AMPD1: variants seen among roughly 807,000 people sequenced by gnomAD.
AMPD1 encodes AMP deaminase 1.
Under a neutral mutation model 82.9 loss-of-function variants are expected in AMPD1, and 74 were observed. That is an observed-to-expected ratio of 0.89 (90% CI 0.74 to 1.08). The LOEUF (loss-of-function observed/expected upper bound fraction) is 1.08, where lower values mean the gene tolerates loss of function less well. Among genes scored for constraint, AMPD1 ranks in the 50% least tolerant of loss-of-function variants. The pLI, the probability that AMPD1 is intolerant of heterozygous loss-of-function variation, is 0.00. For missense variants in AMPD1, 881 were observed against 924.5 expected (o/e 0.95, Z 0.61); for synonymous variants, 333 against 320.5 (o/e 1.04, Z -0.42).
chr1:114,677,430 T>C lies in AMPD1; in HGVS notation c.1309A>G (p.Ser437Gly), dbSNP rs1658020799. 6.2e-7 allele frequency: 1 copy of C among 1,612,252 alleles called. No homozygotes were observed. Among genetic ancestry groups the C allele is most frequent in the Non-Finnish European group, 8.5e-7 (1 of 1,179,676 alleles). ...CAGACGAACCAGGAGGAGAGTTTGCTCCACTCATCAGGACTGCGGCCATAG... is the reference window on the plus strand; with the variant it reads ...CAGACGAACCAGGAGGAGAGTTTGCCCCACTCATCAGGACTGCGGCCATAG... The part of the protein sequence containing the change: ...SIYGRSPDEW[S>G]KLSSWFVCNR... Residue 437 changes from serine (S) to glycine (G), a missense_variant, in exon 10 of 16, where the codon AGC (serine) becomes GGC (glycine). Around this residue, in one of 2 missense-constraint regions of AMPD1, gnomAD observed 783 missense variants for 786.4 expected, o/e 1.00. Transcript: ENST00000520113.
At position 114,695,528 on chromosome 1, in the gene AMPD1, T is replaced by TGTG; in HGVS notation, c.-60_-58dup. 6.2e-7 allele frequency: 1 copy of TGTG among 1,614,150 alleles called. No individual in the cohort carries two copies. Among genetic ancestry groups the TGTG allele is most frequent in the Non-Finnish European group, 8.5e-7 (1 of 1,180,020 alleles). Reference sequence around the variant, plus strand: ...CAGTAGAAAAGAAGAGAGAGGAGACTGTGGGGTGACTGACTGACACTATAA... The same window carrying TGTG: ...CAGTAGAAAAGAAGAGAGAGGAGACTGTGGTGGGGTGACTGACTGACACTATAA... On this transcript the variant is annotated 5_prime_UTR_variant, in exon 1 of 16. Transcript: ENST00000520113.
chr1:114,694,138 C>T (rs910323383), intron 1 of AMPD1, among the ~76,000 whole-genome samples: 1 of 151,988 alleles, frequency 6.6e-6, no homozygotes, highest in Non-Finnish European at 1.5e-5. Context: ...ATGGCATGAA[C>T]CCGGGAGGTG....
chr1:114,693,362 C>T (rs1290733812), intron 2 of AMPD1, 74 bp downstream of exon 2: 1 of 1,439,404 alleles, frequency 6.9e-7, no homozygotes, highest in African/African-American at 1.4e-5. Flanking sequence ...AGCCATGTTT[C>T]TGAATTAAGG....
In AMPD1 at chr1:114,694,218, A is replaced by AAAAAAC. The variant is rs566751722; in HGVS notation, c.23-777_23-772dup. 7.9e-5 allele frequency among the ~76,000 whole-genome samples: 12 copies of AAAAAAC among 152,152 alleles called. No homozygotes were observed. The South Asian group carries it at 8.3e-4, about 11-fold the overall frequency. ...GTGACAGAGCGAGACTCTGTCTCTA[A>AAAAAAC]AAAAACAAAAACAAAAACAAAAACG... On this transcript the variant is annotated intron_variant, in intron 1 of 15. Coordinates refer to ENST00000520113, the MANE Select transcript of AMPD1 (RefSeq NM_000036.3).
At chr1:114,678,064 A>G in intron 8 of AMPD1, 23 bp from the exon 9 acceptor site, 1 of 1,613,544 alleles carries the variant, frequency 6.2e-7, no homozygotes, top group Admixed American at 1.7e-5. Context: ...AAAAGAGCAG[A>G]GATGTATTAT....
intron 5 of AMPD1, among the ~76,000 whole-genome samples, chr1:114,681,593 CAA>C (rs59385008): frequency 1.8e-3 from 183 of 103,898 alleles, no homozygotes; most frequent in African/African-American, 2.4e-3. Flanking sequence ...GACTCCATCT[CAA>C]AAAAAAAAAA....
At chr1:114,681,501 A>C (rs1658157219) in intron 5 of AMPD1, among the ~76,000 whole-genome samples, 1 of 139,588 alleles carries the variant, frequency 7.2e-6, no homozygotes, top group African/African-American at 2.7e-5. Context: ...AGGCTGAGGT[A>C]GGAGAGTCTC....
At chr1:114,679,177 G>A (rs1658082682) in intron 7 of AMPD1, among the ~76,000 whole-genome samples, 1 of 152,146 alleles carries the variant, frequency 6.6e-6, no homozygotes, top group African/African-American at 2.4e-5. Context: ...GATTGTGCAG[G>A]TGTAGTTCCC....
chr1:114,675,498 G>T lies in AMPD1; in HGVS notation c.1679+32C>A. The stretch of plus-strand genomic sequence containing the variant: ...TATGTGGAAAGAGCTGTGTCAAATA[G>T]ACCCTCCTAGCTCCAGCTGTCTCCT... On this transcript the variant is annotated intron_variant, in intron 12 of 15. Transcript: ENST00000520113. 1.9e-6 allele frequency: 3 copies of T among 1,609,292 alleles called. No homozygotes were observed. The South Asian group carries it at 3.3e-5, about 18-fold the overall frequency.
intron 4 of AMPD1, among the ~76,000 whole-genome samples, chr1:114,685,258 C>T (rs999459424): frequency 6.6e-6 from 1 of 152,170 alleles, no homozygotes; most frequent in Non-Finnish European, 1.5e-5. Context: ...TAGCTCATTG[C>T]CACCTAATAG....
rs564841187 is a variant in AMPD1, at chr1:114,680,155, G to T, written c.767+104C>A. On this transcript the variant is annotated intron_variant, in intron 6 of 15. Coordinates refer to ENST00000520113, the MANE Select transcript of AMPD1 (RefSeq NM_000036.3). ...TTAATACAGTGTTTGAACATAGTAA[G>T]CATTTAGTAAATACTTAGTCTCACT... 8.6e-5 allele frequency: 89 copies of T among 1,035,236 alleles called. No individual in the cohort carries two copies. In the African/African-American group the frequency reaches 1.4e-3, roughly 16 times the overall value. The allele number at this position is 1,035,236 out of a possible 1,614,324, so 64.1% of individuals were successfully genotyped here. A position where few individuals can be genotyped will look rare whatever the true frequency, so the allele number is the denominator to read the frequency against.
chr1:114,686,947 C>T (rs767189965), intron 3 of AMPD1, 37 bp from the exon 4 acceptor site: 2 of 1,605,314 alleles, frequency 1.2e-6, no homozygotes, highest in Admixed American at 3.3e-5. Context: ...TTAATTTTGT[C>T]TTCATCAGGC....
chr1:114,686,803 G>T lies in AMPD1; in HGVS notation c.323C>A (p.Thr108Asn). Residue 108 changes from threonine (T) to asparagine (N), a missense_variant, in exon 4 of 16, where the codon ACC (threonine) becomes AAC (asparagine). Around this residue, in one of 2 missense-constraint regions of AMPD1, gnomAD observed 783 missense variants for 786.4 expected, o/e 1.00. Coordinates refer to ENST00000520113, the MANE Select transcript of AMPD1 (RefSeq NM_000036.3). ...HIDEYISSSPTYQTVPDFQRV... is the reference protein window; with the variant it reads ...HIDEYISSSPNYQTVPDFQRV... ...CTGAAAATCAGGCACGGTCTGGTAG[G>T]TTGGAGATGAGGAAATGTATTCATC... 1 of 1,614,158 alleles carries T rather than the reference G, an allele frequency of 6.2e-7. No homozygotes were observed. The highest frequency in any genetic ancestry group is 8.5e-7 in the Non-Finnish European group (1 of 1,180,008).
intron 6 of AMPD1, 150 bp from the exon 7 acceptor site, chr1:114,679,858 A>G (rs1462002086): frequency 1.1e-6 from 1 of 910,758 alleles, no homozygotes; most frequent in Non-Finnish European, 1.7e-6. Context: ...TCCCACTGAG[A>G]AGTAGTGGGC....
Position 114,673,139 on chromosome 1 carries a change from G to A in AMPD1, c.2219C>T (p.Ala740Val). ...TTATTCTGTTGATTTAAGACCCTCAGCAATTAAATTGAGTTCATAACACCA... is the reference window on the plus strand; with the variant it reads ...TTATTCTGTTGATTTAAGACCCTCAACAATTAAATTGAGTTCATAACACCA... Reference protein sequence around the residue: ...ETWCYELNLIAEGLKSTE With the variant: ...ETWCYELNLIVEGLKSTE Residue 740 changes from alanine (A) to valine (V), a missense_variant, in exon 16 of 16, where the codon GCT (alanine) becomes GTT (valine). Ala to Val is a moderately conservative substitution (Grantham distance 64). Around this residue, in one of 2 missense-constraint regions of AMPD1, gnomAD observed 98 missense variants for 138.1 expected, o/e 0.71. Transcript: ENST00000520113. 1.2e-6 allele frequency: 2 copies of A among 1,613,890 alleles called. No individual in the cohort carries two copies. The highest frequency in any genetic ancestry group is 8.5e-7 in the Non-Finnish European group (1 of 1,179,920).
chr1:114,687,604 T>C (rs913738615), intron 3 of AMPD1, among the ~76,000 whole-genome samples: 1 of 152,086 alleles, frequency 6.6e-6, no homozygotes, highest in African/African-American at 2.4e-5. Context: ...AGGAGGGGGT[T>C]CCAGCAAAGT....
In AMPD1 at chr1:114,678,596, A is replaced by G. The variant is rs1452308267; in HGVS notation, c.898-69T>C. The stretch of plus-strand genomic sequence containing the variant: ...AGTTATGCTACTCTGTTTAGAGGAT[A>G]TGGTGCTGCAAATCCCACTGCGTTG... On this transcript the variant is annotated intron_variant, in intron 7 of 15. Transcript: ENST00000520113. 2.1e-6 allele frequency: 3 copies of G among 1,399,326 alleles called. No individual in the cohort carries two copies. The African/African-American group carries it at 4.2e-5, about 20-fold the overall frequency. 86.7% of individuals were successfully genotyped at this position (1,399,326 alleles called of 1,614,324 possible). A position where few individuals can be genotyped will look rare whatever the true frequency, so the allele number is the denominator to read the frequency against.
rs374741261 is a variant in AMPD1 at position 114,674,736 on chromosome 1, A to G, written c.1800+16T>C. The G allele has an allele frequency of 3.9e-5, 63 of 1,612,776 alleles. No homozygotes were observed. In the African/African-American group the frequency reaches 4.3e-4, roughly 11 times the overall value. The stretch of plus-strand genomic sequence containing the variant: ...TAGCTCCAATGTAAAAGTTAAGAAG[A>G]GAGCTTCCAACTCACCTTTTTTAAA... On this transcript the variant is annotated intron_variant, in intron 13 of 15. Coordinates refer to ENST00000520113, the MANE Select transcript of AMPD1 (RefSeq NM_000036.3).
At chr1:114,681,096 G>A (rs946538831) in intron 5 of AMPD1, among the ~76,000 whole-genome samples, 1 of 152,164 alleles carries the variant, frequency 6.6e-6, no homozygotes, top group African/African-American at 2.4e-5. Flanking sequence ...ACTGAAGTTT[G>A]TCATCAAAGG....
Sources: allele counts gnomAD v4.1 joint callset (sites outside exome capture counted in the v4.1 genomes callset), GRCh38; gene constraint gnomAD v4.1.1; regional missense constraint gnomAD v4.1.1; transcripts MANE v1.5; gene names NCBI Gene and HGNC (gene_info 2026-07-23, HGNC 2026-07-21).